Variants in NRXN1 observed in about 807,000 individuals in gnomAD.
NRXN1 encodes the protein neurexin-1.
NRXN1 carries 39 observed loss-of-function variants against 150.9 expected under a neutral mutation model. The observed-to-expected ratio is 0.26, with a 90% CI of 0.20 to 0.34. The LOEUF is 0.34. Among genes scored for constraint, NRXN1 ranks in the 10% least tolerant of loss-of-function variants. The pLI is 1.00. For synonymous variants in NRXN1, 924 were observed against 757.0 expected, an observed-to-expected ratio of 1.22 and a Z score of -3.62; for missense variants, 1,815 against 1,949.9, an observed-to-expected ratio of 0.93 and a Z score of 1.30.
intron 5 of NRXN1, among the ~76,000 whole-genome samples, chr2:50,776,491 G>C (rs1703651485): frequency 6.6e-6 from 1 of 151,630 alleles, no homozygotes; most frequent in Non-Finnish European, 1.5e-5. Context: ...GGCAATACTG[G>C]TGACTTCTTC....
chr2:50,591,571 A>G (rs755817891), intron 8 of NRXN1, among the ~76,000 whole-genome samples: 1 of 152,194 alleles, frequency 6.6e-6, no homozygotes, highest in Non-Finnish European at 1.5e-5. Context: ...TTTATTTATC[A>G]TAATGCCTAT....
At chr2:50,634,497 C>T (rs1042961964) in intron 5 of NRXN1, among the ~76,000 whole-genome samples, 6 of 152,088 alleles carry the variant, frequency 3.9e-5, no homozygotes, top group South Asian at 2.1e-4. Flanking sequence ...ACTGTCAATC[C>T]ATGGGATATA....
At chr2:50,073,756 A>G (rs1295144478) in intron 19 of NRXN1, among the ~76,000 whole-genome samples, 1 of 152,184 alleles carries the variant, frequency 6.6e-6, no homozygotes, top group South Asian at 2.1e-4. Context: ...AAAAAAAAGC[A>G]TAGGCCTGTT....
intron 17 of NRXN1, among the ~76,000 whole-genome samples, chr2:50,418,537 T>C (rs1416473502): frequency 1.3e-5 from 2 of 152,124 alleles, no homozygotes; most frequent in African/African-American, 4.8e-5. Context: ...GATTAGTGTC[T>C]TTTCAGAAAG....
chr2:50,802,596 G>T (rs1039227135), intron 5 of NRXN1, among the ~76,000 whole-genome samples: 10 of 149,600 alleles, frequency 6.7e-5, no homozygotes, highest in African/African-American at 2.5e-4. Context: ...AAGAGAGAGA[G>T]AAAAGAAGGA....
chr2:50,351,421 T>C (rs1443378988), intron 17 of NRXN1, among the ~76,000 whole-genome samples: 1 of 152,184 alleles, frequency 6.6e-6, no homozygotes, highest in Non-Finnish European at 1.5e-5. Context: ...GCTGTGCTCA[T>C]TAGTTATAAT....
At chr2:50,841,435 C>T (rs1672857928) in intron 5 of NRXN1, among the ~76,000 whole-genome samples, 1 of 152,140 alleles carries the variant, frequency 6.6e-6, no homozygotes, top group Non-Finnish European at 1.5e-5. Flanking sequence ...TTCTCCTATC[C>T]TCCTCTGGAA....
chr2:50,498,463 A>G (rs1026724679), intron 13 of NRXN1, among the ~76,000 whole-genome samples: 1 of 152,194 alleles, frequency 6.6e-6, no homozygotes, highest in Non-Finnish European at 1.5e-5. Context: ...TAATACCAGT[A>G]AAATTGGCCC....
At chr2:50,901,473 C>T (rs1218299757) in intron 5 of NRXN1, among the ~76,000 whole-genome samples, 2 of 152,032 alleles carry the variant, frequency 1.3e-5, no homozygotes, top group Non-Finnish European at 2.9e-5. Context: ...GGAGGTAGAA[C>T]TTGCAGTGAG....
chr2:50,850,968 C>T (rs906140449), intron 5 of NRXN1, among the ~76,000 whole-genome samples: 35 of 152,224 alleles, frequency 2.3e-4, no homozygotes, highest in Admixed American at 6.5e-4. Context: ...AGAAATGAAG[C>T]AGAGTAGAAT....
intron 5 of NRXN1, among the ~76,000 whole-genome samples, chr2:50,777,118 C>T (rs1207395423): frequency 1.3e-5 from 2 of 152,036 alleles, no homozygotes; most frequent in African/African-American, 2.4e-5. Context: ...AATGTGTATT[C>T]TCAGATGGTG....
chr2:50,122,914 C>G (rs1284546145), intron 18 of NRXN1, among the ~76,000 whole-genome samples: 1 of 152,130 alleles, frequency 6.6e-6, no homozygotes, highest in African/African-American at 2.4e-5. Flanking sequence ...ATGGTAGATA[C>G]AAGGCTAATT....
At chr2:50,228,661 T>C (rs2064640435) in intron 18 of NRXN1, among the ~76,000 whole-genome samples, 1 of 152,044 alleles carries the variant, frequency 6.6e-6, no homozygotes, top group South Asian at 2.1e-4. Context: ...AGATACCCTT[T>C]TTCATAGGCC....
intron 5 of NRXN1, among the ~76,000 whole-genome samples, chr2:50,826,177 C>A (rs1670423501): frequency 6.6e-6 from 1 of 151,954 alleles, no homozygotes; most frequent in African/African-American, 2.4e-5. Flanking sequence ...TTGGTGGATT[C>A]TTTAATTAGA....
chr2:50,323,802 C>T (rs7584172), intron 17 of NRXN1, among the ~76,000 whole-genome samples: 61,774 of 151,994 alleles, frequency 0.41, 14,767 homozygotes, highest in African/African-American at 0.67. Context: ...CATAAGCAAT[C>T]AAGCTAGAAA....
chr2:50,154,064 C>G (rs1440514858), intron 18 of NRXN1, among the ~76,000 whole-genome samples: 1 of 151,692 alleles, frequency 6.6e-6, no homozygotes, highest in African/African-American at 2.4e-5. Flanking sequence ...TTAATAGACT[C>G]CAGAGATTAA....
At chr2:50,509,352 C>T (rs1273536909) in intron 12 of NRXN1, among the ~76,000 whole-genome samples, 3 of 152,164 alleles carry the variant, frequency 2.0e-5, no homozygotes, top group Admixed American at 6.6e-5. Flanking sequence ...AAATCCTACA[C>T]ACCCTCTGCA....
At chr2:50,174,545 TC>T (rs2060234111) in intron 18 of NRXN1, 1 of 152,146 alleles carries the variant, frequency 6.6e-6, no homozygotes, top group East Asian at 1.9e-4. Flanking sequence ...CTAGTTACAT[TC>T]ATATGACATT....
chr2:50,288,790 T>A (rs1356886), intron 17 of NRXN1, among the ~76,000 whole-genome samples: 1 of 152,106 alleles, frequency 6.6e-6, no homozygotes, highest in African/African-American at 2.4e-5. Flanking sequence ...AATTATGGGA[T>A]GTACACTTCA....
Sources: allele counts gnomAD v4.1 joint callset (sites outside exome capture counted in the v4.1 genomes callset), GRCh38; gene constraint gnomAD v4.1.1; transcripts MANE v1.5; gene names NCBI Gene and HGNC (gene_info 2026-07-23, HGNC 2026-07-21).